Variants in XIRP2 observed in about 807,000 individuals in gnomAD.
XIRP2 encodes the protein xin actin-binding repeat-containing protein 2.
Under a neutral mutation model 277.0 loss-of-function variants are expected in XIRP2, and 236 were observed. The observed-to-expected ratio is 0.85, with a 90% CI of 0.77 to 0.95. The LOEUF is 0.95. Ranked by LOEUF, XIRP2 falls within the 40% of genes least tolerant of loss-of-function variation. The pLI is 0.00. For synonymous variants in XIRP2, 1,490 were observed against 1,416.5 expected, an observed-to-expected ratio of 1.05 and a Z score of -1.17; for missense variants, 4,640 against 4,157.5, an observed-to-expected ratio of 1.12 and a Z score of -3.19.
At chr2:166,927,109 T>A (rs1366314362) in intron 2 of XIRP2, among the ~76,000 whole-genome samples, 1 of 152,124 alleles carries the variant, frequency 6.6e-6, no homozygotes, top group Non-Finnish European at 1.5e-5. Flanking sequence ...AGTATTTTAG[T>A]TTTTCTCTGT....
intron 2 of XIRP2, among the ~76,000 whole-genome samples, chr2:166,969,389 C>T (rs958919273): frequency 6.6e-6 from 1 of 151,906 alleles, no homozygotes; most frequent in Non-Finnish European, 1.5e-5. Context: ...TCCAGATTTC[C>T]ATATATGAAA....
Position 167,248,845 on chromosome 2 carries a change from A to C in XIRP2, c.7453A>C (p.Ser2485Arg). 1.2e-6 allele frequency: 2 copies of C among 1,613,612 alleles called. No individual in the cohort carries two copies. The highest frequency in any genetic ancestry group is 1.3e-5 in the African/African-American group (1 of 74,958). ...GACAAAGCAGAACGTTATTAGTAAG[A>C]GTCTTGATGAAAGAAAACAATTATC... ...TETKQNVISKSLDERKQLSID... is the reference protein window; with the variant it reads ...TETKQNVISKRLDERKQLSID... The change falls in exon 9 of 11, where the codon AGT becomes CGT. Residue 2485 changes from serine to arginine, a missense_variant. Transcript: ENST00000409195.
chr2:167,011,805 G>C (rs1352226063), intron 2 of XIRP2, among the ~76,000 whole-genome samples: 1 of 152,024 alleles, frequency 6.6e-6, no homozygotes, highest in African/African-American at 2.4e-5. Flanking sequence ...TGTTGGGAGG[G>C]TGTATGTGTC....
At chr2:167,003,786 C>T (rs1687431583) in intron 2 of XIRP2, among the ~76,000 whole-genome samples, 1 of 151,908 alleles carries the variant, frequency 6.6e-6, no homozygotes. Flanking sequence ...ATGCCAATAA[C>T]TCCAGCTGAT....
intron 2 of XIRP2, among the ~76,000 whole-genome samples, chr2:167,073,631 C>G (rs1000253421): frequency 4.6e-5 from 7 of 151,984 alleles, no homozygotes; most frequent in Non-Finnish European, 7.4e-5. Context: ...TCTAAACCTA[C>G]TGGTGTAATT....
At chr2:166,935,100 A>G (rs6432956) in intron 2 of XIRP2, among the ~76,000 whole-genome samples, 84,794 of 151,680 alleles carry the variant, frequency 0.56, 25,092 homozygotes, top group African/African-American at 0.74. Context: ...CTTTCAGAGG[A>G]GTTCTATTAT....
chr2:167,033,625 G>C (rs1558956354), intron 2 of XIRP2, among the ~76,000 whole-genome samples: 1 of 151,562 alleles, frequency 6.6e-6, no homozygotes, highest in Admixed American at 6.6e-5. Flanking sequence ...TACAACAAGA[G>C]AAAACAAAAC....
At chr2:166,973,197 AT>A in intron 2 of XIRP2, among the ~76,000 whole-genome samples, 1 of 152,192 alleles carries the variant, frequency 6.6e-6, no homozygotes, top group Non-Finnish European at 1.5e-5. Context: ...TTAATGAAAA[AT>A]ATAGGATTTT....
chr2:166,959,792 A>G (rs769412803), intron 2 of XIRP2, among the ~76,000 whole-genome samples: 3 of 151,706 alleles, frequency 2.0e-5, no homozygotes, highest in Non-Finnish European at 4.4e-5. Flanking sequence ...GAGGTTAAAC[A>G]TCTTCTATTT....
chr2:167,136,809 A>G (rs1252796830), intron 3 of XIRP2, among the ~76,000 whole-genome samples: 1 of 152,186 alleles, frequency 6.6e-6, no homozygotes, highest in Non-Finnish European at 1.5e-5. Flanking sequence ...AAATTTTAAG[A>G]TATCGTTTGG....
intron 3 of XIRP2, among the ~76,000 whole-genome samples, chr2:167,192,544 G>T (rs1412029127): frequency 6.6e-6 from 1 of 152,194 alleles, no homozygotes; most frequent in Non-Finnish European, 1.5e-5. Flanking sequence ...TGTCTTGCAA[G>T]TTGGAGTTTT....
At chr2:166,932,604 A>T (rs893139620) in intron 2 of XIRP2, among the ~76,000 whole-genome samples, 1 of 152,272 alleles carries the variant, frequency 6.6e-6, no homozygotes, top group South Asian at 2.1e-4. Context: ...GTTCTGTGTA[A>T]GAAATACTTG....
At chr2:167,001,254 A>G (rs1156794624) in intron 2 of XIRP2, among the ~76,000 whole-genome samples, 2 of 152,082 alleles carry the variant, frequency 1.3e-5, no homozygotes, top group Non-Finnish European at 2.9e-5. Flanking sequence ...TCTGCATCCC[A>G]TCCGCCTACG....
intron 2 of XIRP2, among the ~76,000 whole-genome samples, chr2:167,020,262 T>C (rs991574347): frequency 1.3e-5 from 2 of 152,060 alleles, no homozygotes; most frequent in Non-Finnish European, 2.9e-5. Context: ...GGCCAAAGTT[T>C]ATGAATGAAT....
At chr2:167,257,795 C>T (rs1695701937) in intron 10 of XIRP2, 62 bp from the exon 11 acceptor site, 3 of 1,485,678 alleles carry the variant, frequency 2.0e-6, no homozygotes, top group Admixed American at 4.6e-5. Context: ...ATAATTAATC[C>T]CCAATTCCCT....
chr2:167,017,129 G>T (rs972683521), intron 2 of XIRP2, among the ~76,000 whole-genome samples: 1 of 151,886 alleles, frequency 6.6e-6, no homozygotes, highest in African/African-American at 2.4e-5. Context: ...TTCCTCCATT[G>T]TTTCTGTGGA....
At chr2:167,056,501 C>T (rs1689041557) in intron 2 of XIRP2, among the ~76,000 whole-genome samples, 1 of 152,036 alleles carries the variant, frequency 6.6e-6, no homozygotes, top group Non-Finnish European at 1.5e-5. Flanking sequence ...TATGCAAACT[C>T]AGTGTTCTCT....
chr2:167,224,554 G>A (rs1694537813), intron 5 of XIRP2, among the ~76,000 whole-genome samples: 1 of 151,906 alleles, frequency 6.6e-6, no homozygotes, highest in Admixed American at 6.6e-5. Context: ...GCTGGCAATT[G>A]CATTTCAACA....
At chr2:167,186,546 G>A (rs1431698976) in intron 3 of XIRP2, among the ~76,000 whole-genome samples, 1 of 152,138 alleles carries the variant, frequency 6.6e-6, no homozygotes, top group East Asian at 1.9e-4. Context: ...TCTATTTACT[G>A]AGAATGTATG....
Sources: gnomAD v4.1 joint callset for allele counts (sites outside exome capture counted in the v4.1 genomes callset) on GRCh38, gnomAD v4.1.1 for gene constraint, MANE v1.5 for transcripts, NCBI Gene and HGNC (gene_info 2026-07-23, HGNC 2026-07-21) for gene names.